LEPR: variants seen among roughly 807,000 people sequenced by gnomAD.
LEPR encodes leptin receptor.
Under a neutral mutation model 114.7 loss-of-function variants are expected in LEPR, and 56 were observed. The ratio of observed to expected loss-of-function variants is 0.49; its 90% CI spans 0.39 to 0.61. The LOEUF (loss-of-function observed/expected upper bound fraction) is 0.61. Ranked by LOEUF, LEPR falls within the 20% of genes least tolerant of loss-of-function variation. The pLI is 0.00. For missense variants in LEPR, 1,202 were observed against 1,352.9 expected (o/e 0.89, Z 1.75); for synonymous variants, 443 against 461.4 (o/e 0.96, Z 0.51).
intron 2 of LEPR, among the ~76,000 whole-genome samples, chr1:65,428,392 CTG>C (rs1486441767): frequency 1.3e-5 from 2 of 152,202 alleles, no homozygotes; most frequent in Non-Finnish European, 2.9e-5. Context: ...CTTCCCCTCT[CTG>C]TGTCTCCTTT....
intron 8 of LEPR, among the ~76,000 whole-genome samples, chr1:65,599,974 T>C (rs1423720309): frequency 2.0e-5 from 3 of 152,156 alleles, no homozygotes; most frequent in Non-Finnish European, 2.9e-5. Context: ...TTTTAGCATC[T>C]AATCATGTAA....
chr1:65,525,734 C>G, intron 2 of LEPR: 1 of 986,114 alleles, frequency 1.0e-6, no homozygotes. Context: ...GAGCCCACGG[C>G]CAGCCGAGCG....
chr1:65,532,624 A>G (rs991066825), intron 2 of LEPR, among the ~76,000 whole-genome samples: 7 of 152,224 alleles, frequency 4.6e-5, no homozygotes, highest in African/African-American at 1.7e-4. Flanking sequence ...ACTGAGGTAT[A>G]TCCATACAAT....
rs140589361 is a variant in LEPR, at chr1:65,474,876, G to A, written c.-21+49498G>A. ...CAAAAAATTAGACAGGCGTAGTGGC[G>A]TGCACCTGTAATCCCAGCTACTTGG... On this transcript the variant is annotated intron_variant, in intron 2 of 19. Transcript: ENST00000349533. Among the ~76,000 whole-genome samples, 402 of 151,516 alleles carry A rather than the reference G, an allele frequency of 2.7e-3. 1 individual carries two copies. Among genetic ancestry groups the A allele is most frequent in the Non-Finnish European group, 3.7e-3 (252 of 67,840 alleles).
At chr1:65,516,451 AACAAAC>A (rs1649291591) in intron 2 of LEPR, among the ~76,000 whole-genome samples, 1 of 152,168 alleles carries the variant, frequency 6.6e-6, no homozygotes, top group African/African-American at 2.4e-5. Context: ...CTCAAAAAAA[AACAAAC>A]CAAACCAAAC....
chr1:65,531,079 T>C (rs182279431), intron 2 of LEPR, among the ~76,000 whole-genome samples: 1 of 152,326 alleles, frequency 6.6e-6, no homozygotes, highest in East Asian at 1.9e-4. Context: ...AAAACCAAAG[T>C]CCTTAGGATA....
intron 5 of LEPR, among the ~76,000 whole-genome samples, chr1:65,585,663 G>A (rs990710960): frequency 6.6e-6 from 1 of 151,880 alleles, no homozygotes; most frequent in African/African-American, 2.4e-5. Flanking sequence ...TTGTATATGT[G>A]TATGTATACT....
At chr1:65,499,044 A>G (rs1011435161) in intron 2 of LEPR, among the ~76,000 whole-genome samples, 3 of 152,114 alleles carry the variant, frequency 2.0e-5, no homozygotes, top group African/African-American at 7.2e-5. Context: ...ACAGAGAAAT[A>G]CTAAGTGATC....
At position 65,436,009 on chromosome 1, in the gene LEPR, A is replaced by G. The variant is rs538706181; in HGVS notation, c.-21+10631A>G. On this transcript the variant is annotated intron_variant, in intron 2 of 19. Transcript: ENST00000349533. ...TAAAACTTGTTATTGACATTTTAAC[A>G]AAGGCTTTTATGTACATTATTAAAT... is the stretch of plus-strand genomic sequence containing the variant. The G allele has an allele frequency of 1.1e-3, 1,107 of 983,904 alleles. 5 individuals are homozygous for G. The highest frequency in any genetic ancestry group is 1.0e-3 in the Middle Eastern group (2 of 1,910). The allele number at this position is 983,904 out of a possible 1,614,324, so 60.9% of individuals were successfully genotyped here. A position where few individuals can be genotyped will look rare whatever the true frequency, so the allele number is the denominator to read the frequency against.
intron 2 of LEPR, among the ~76,000 whole-genome samples, chr1:65,425,616 A>G (rs1405034320): frequency 6.8e-6 from 1 of 146,742 alleles, no homozygotes; most frequent in Non-Finnish European, 1.5e-5. Flanking sequence ...AGCTGGGGAC[A>G]CACAAATGAA....
intron 2 of LEPR, among the ~76,000 whole-genome samples, chr1:65,437,710 G>A (rs897225735): frequency 6.6e-6 from 1 of 152,120 alleles, no homozygotes; most frequent in Non-Finnish European, 1.5e-5. Context: ...TGATACGGTA[G>A]GCGCTACTGG....
chr1:65,621,504 C>T (rs1657885960), intron 18 of LEPR, 46 bp downstream of exon 18: 4 of 1,491,908 alleles, frequency 2.7e-6, no homozygotes, highest in Admixed American at 1.7e-5. Context: ...AGTCCTTACG[C>T]GTATTCAAAC....
rs924552980 is a variant in LEPR at position 65,633,252 on chromosome 1, G to T, written c.2674-2939G>T. On this transcript the variant is annotated intron_variant, in intron 19 of 19. Transcript: ENST00000349533. This position sits in a 1 kb window ranked among gnomAD's most constrained non-coding sequence, Gnocchi z 4.1. ...GAGTATTAGAAGATTTTTACATTTT[G>T]AAGAAGGGGAGCAAATCTAAAAAAA... is the stretch of plus-strand genomic sequence containing the variant. 48 of 1,569,464 alleles carry T rather than the reference G, an allele frequency of 3.1e-5. No individual in the cohort carries two copies. The highest frequency in any genetic ancestry group is 2.7e-5 in the Non-Finnish European group (31 of 1,161,902).
chr1:65,512,009 C>T (rs563731410), intron 2 of LEPR, among the ~76,000 whole-genome samples: 1 of 152,164 alleles, frequency 6.6e-6, no homozygotes. Context: ...GGGGACGCCT[C>T]AGGAAGCTTC....
intron 2 of LEPR, among the ~76,000 whole-genome samples, chr1:65,494,881 A>G (rs1648071910): frequency 6.6e-6 from 1 of 152,020 alleles, no homozygotes; most frequent in South Asian, 2.1e-4. Context: ...TCATAATGGC[A>G]TTTTTTTCAC....
At position 65,598,663 on chromosome 1, in the gene LEPR, G is replaced by A. The variant is rs1463100611; in HGVS notation, c.853G>A (p.Asp285Asn). The part of the protein sequence containing the change: ...ENSTTVIREA[D>N]KIVSATSLLV... ...GTTTTAATATAATATTTAACAGGCT[G>A]ACAAGATTGTCTCAGCTACATCCCT... Residue 285 changes from aspartate to asparagine, a missense_variant, in exon 8 of 20, where the codon GAC becomes AAC. Asp to Asn is a conservative substitution (Grantham distance 23). Coordinates refer to ENST00000349533, the MANE Select transcript of LEPR (RefSeq NM_002303.6). 1.9e-6 allele frequency: 3 copies of A among 1,612,998 alleles called. No homozygotes were observed. The East Asian group carries it at 6.7e-5, about 36-fold the overall frequency.
chr1:65,447,306 T>TTTCC (rs1428366456), intron 2 of LEPR, among the ~76,000 whole-genome samples: 3 of 151,972 alleles, frequency 2.0e-5, no homozygotes, highest in Non-Finnish European at 4.4e-5. Context: ...CCCTCCTTCC[T>TTTCC]TTCCTTCCTT....
At position 65,610,193 on chromosome 1, in the gene LEPR, A is replaced by T. The variant is rs764085315; in HGVS notation, c.1913-21A>T. 1.2e-5 allele frequency: 20 copies of T among 1,613,978 alleles called. 1 individual carries two copies. The African/African-American group carries it at 2.0e-4, about 16-fold the overall frequency. On this transcript the variant is annotated intron_variant, in intron 13 of 19. Coordinates refer to ENST00000349533, the MANE Select transcript of LEPR (RefSeq NM_002303.6). ...GAAAAGTATTTCTTCAAAAACATAT[A>T]CACAACTTGTCATTTTGCAGTTCCT...
chr1:65,593,427 CTTT>C (rs1411179460), intron 6 of LEPR, among the ~76,000 whole-genome samples: 3 of 152,140 alleles, frequency 2.0e-5, no homozygotes, highest in Non-Finnish European at 2.9e-5. Flanking sequence ...CCCCAAATCT[CTTT>C]TTATCAATTT....
Sources: gnomAD v4.1 joint callset for allele counts (sites outside exome capture counted in the v4.1 genomes callset) on GRCh38, gnomAD v4.1.1 for gene constraint, Gnocchi (gnomAD v3.1) non-coding constraint, MANE v1.5 for transcripts, NCBI Gene and HGNC (gene_info 2026-07-23, HGNC 2026-07-21) for gene names.